PGD: variants seen among roughly 807,000 people sequenced by gnomAD.
PGD encodes the protein 6-phosphogluconate dehydrogenase, decarboxylating.
PGD carries 21 observed loss-of-function variants against 60.4 expected under a neutral mutation model. The ratio of observed to expected loss-of-function variants is 0.35; its 90% confidence interval spans 0.25 to 0.50. The LOEUF (loss-of-function observed/expected upper bound fraction) is 0.50. PGD is among the 20% of genes least tolerant of loss of function. PGD has a pLI of 0.98. For missense variants in PGD, 477 were observed against 613.1 expected, an observed-to-expected ratio of 0.78 and a Z score of 2.34; for synonymous variants, 230 against 235.9, an observed-to-expected ratio of 0.97 and a Z score of 0.23.
intron 5 of PGD, among the ~76,000 whole-genome samples, chr1:10,405,545 T>C (rs986973911): frequency 4.1e-5 from 6 of 145,978 alleles, no homozygotes; most frequent in Admixed American, 1.4e-4. Flanking sequence ...TGGTCTGAAA[T>C]ATGATTCTTT....
intron 9 of PGD, 63 bp downstream of exon 9, chr1:10,417,180 T>C: frequency 6.3e-7 from 1 of 1,584,456 alleles, no homozygotes; most frequent in Non-Finnish European, 8.6e-7. Context: ...GGGTGGGGGT[T>C]GTGGTGGGAG....
chr1:10,403,071 G>T lies in PGD; in HGVS notation c.265G>T (p.Val89Leu). 1 of 1,602,236 alleles carries T rather than the reference G, an allele frequency of 6.2e-7. No individual in the cohort carries two copies. Among genetic ancestry groups the T allele is most frequent in the Non-Finnish European group, 8.6e-7 (1 of 1,169,336 alleles). ...QAVDDFIEKL[V>L]PLLDTGDIII... is the part of the protein sequence containing the mutation. ...TCTTAATGCTGGTGTCTGGTTACAG[G>T]TACCATTGTTGGATACTGGTGACAT... Residue 89 changes from valine to leucine, a missense_variant and splice_region_variant, in exon 4 of 13, where the codon GTA (valine) becomes TTA (leucine). By Grantham distance (32) the Val-to-Leu change is conservative. This residue lies in a region of PGD where 431 missense variants were observed against 556.6 expected (regional missense o/e 0.77). Transcript: ENST00000270776.
intron 5 of PGD, among the ~76,000 whole-genome samples, chr1:10,406,606 G>A (rs573767148): frequency 1.9e-4 from 29 of 152,312 alleles, no homozygotes; most frequent in African/African-American, 7.0e-4. Context: ...GCGGTTTCCG[G>A]TGTGGCTGTC....
At chr1:10,411,397 T>C (rs760061325) in intron 6 of PGD, 21 bp from the exon 7 acceptor site, 5 of 1,612,328 alleles carry the variant, frequency 3.1e-6, no homozygotes, top group African/African-American at 1.3e-5. Context: ...GAAGGCCTCT[T>C]GGTGCTTGTT....
intron 5 of PGD, among the ~76,000 whole-genome samples, chr1:10,404,592 TG>T: frequency 6.6e-6 from 1 of 152,024 alleles, no homozygotes; most frequent in South Asian, 2.1e-4. Context: ...CCCCGTCTCC[TG>T]GGCTCAAGCA....
At chr1:10,418,982 TG>T in intron 11 of PGD, 57 bp downstream of exon 11, 1 of 980,190 alleles carries the variant, frequency 1.0e-6, no homozygotes. Flanking sequence ...CCATCAGTTG[TG>T]ATGTTTGGTT....
intron 9 of PGD, 115 bp downstream of exon 9, chr1:10,417,232 C>CCTTGACTTGGAT: frequency 6.9e-7 from 1 of 1,453,194 alleles, no homozygotes; most frequent in Non-Finnish European, 9.5e-7. Context: ...TGAAGTTCAG[C>CCTTGACTTGGAT]CTTGACTTGG....
chr1:10,402,027 A>AAATAAATAAATT (rs1557758935), intron 3 of PGD, among the ~76,000 whole-genome samples: 2 of 150,164 alleles, frequency 1.3e-5, no homozygotes, highest in African/African-American at 4.9e-5. Context: ...ATAAATAAAT[A>AAATAAATAAATT]AATTAATTAA....
At chr1:10,400,693 A>G in intron 3 of PGD, 121 bp downstream of exon 3, 1 of 718,950 alleles carries the variant, frequency 1.4e-6, no homozygotes, top group Non-Finnish European at 2.2e-6. Flanking sequence ...AGCTCTGACC[A>G]AATGATTGCT....
At chr1:10,406,743 A>G (rs1441545409) in intron 5 of PGD, among the ~76,000 whole-genome samples, 2 of 152,158 alleles carry the variant, frequency 1.3e-5, no homozygotes, top group African/African-American at 4.8e-5. Context: ...TCTCAAGAGT[A>G]ATATATCCGC....
At chr1:10,418,986 G>T in intron 11 of PGD, 61 bp downstream of exon 11, 12 of 920,730 alleles carry the variant, frequency 1.3e-5, no homozygotes, top group Non-Finnish European at 2.1e-5. Flanking sequence ...CAGTTGTGAT[G>T]TTTGGTTTTT....
At chr1:10,408,200 G>C (rs1044901546) in intron 6 of PGD, 60 bp downstream of exon 6, 1 of 979,884 alleles carries the variant, frequency 1.0e-6, no homozygotes, top group Non-Finnish European at 1.7e-6. Context: ...AAGTGATGAA[G>C]TGCGTGGAGA....
At chr1:10,413,275 G>A (rs375650373) in intron 8 of PGD, 24 bp downstream of exon 8, 74 of 1,600,798 alleles carry the variant, frequency 4.6e-5, no homozygotes, top group South Asian at 6.6e-5. Context: ...TTTCACATGG[G>A]CCCTTTCGTC....
intron 6 of PGD, among the ~76,000 whole-genome samples, chr1:10,410,410 C>T (rs781750861): frequency 2.6e-5 from 4 of 151,872 alleles, no homozygotes; most frequent in Non-Finnish European, 5.9e-5. Flanking sequence ...CCGCTGCACT[C>T]CAGCCTGGGC....
At chr1:10,411,714 G>A (rs1639504392) in intron 7 of PGD, among the ~76,000 whole-genome samples, 162 bp downstream of exon 7, 1 of 152,310 alleles carries the variant, frequency 6.6e-6, no homozygotes, top group African/African-American at 2.4e-5. Context: ...TATACACTAT[G>A]CTAGTCAGTC....
At chr1:10,400,254 A>T (rs1639292615) in intron 2 of PGD, 139 bp from the exon 3 acceptor site, 1 of 632,888 alleles carries the variant, frequency 1.6e-6, no homozygotes, top group Middle Eastern at 4.4e-4. Context: ...TGAGCCTCCC[A>T]CAGCTGGGGG....
intron 7 of PGD, chr1:10,412,822 C>G: frequency 2.3e-6 from 1 of 437,632 alleles, no homozygotes; most frequent in Non-Finnish European, 4.2e-6. Context: ...GTGAGGAGCC[C>G]TTGCCTCTGA....
At chr1:10,399,306 GC>G (rs1231617113) in intron 1 of PGD, among the ~76,000 whole-genome samples, 181 bp downstream of exon 1, 1 of 152,230 alleles carries the variant, frequency 6.6e-6, no homozygotes, top group Non-Finnish European at 1.5e-5. Flanking sequence ...TGCGGGCCCG[GC>G]CCCCTGCCCT....
rs1454720165 is a variant in PGD at position 10,420,027 on chromosome 1, G to C, written c.*278G>C. 1 of 420,664 alleles carries C rather than the reference G, an allele frequency of 2.4e-6. No individual in the cohort carries two copies. The highest frequency in any genetic ancestry group is 4.4e-6 in the Non-Finnish European group (1 of 227,416). The allele number at this position is 420,664 out of a possible 1,614,324, so 26.1% of individuals were successfully genotyped here. A position where few individuals can be genotyped will look rare whatever the true frequency, so the allele number is the denominator to read the frequency against. On this transcript the variant is annotated 3_prime_UTR_variant, in exon 13 of 13. Transcript: ENST00000270776. ...TGGCTTCCGCGTGCCCCGTGTGCTG[G>C]TGCGGTTCCCATCACGCAGACAGGA...
Sources: gnomAD v4.1 joint callset for allele counts (sites outside exome capture counted in the v4.1 genomes callset) on GRCh38, gnomAD v4.1.1 for gene constraint, gnomAD v4.1.1 regional missense constraint, MANE v1.5 for transcripts, NCBI Gene and HGNC (gene_info 2026-07-23, HGNC 2026-07-21) for gene names.